The following SPAG16 variants were observed in gnomAD, a reference collection of about 807,000 sequenced individuals.
The protein encoded by SPAG16 is sperm-associated antigen 16 protein.
In SPAG16, 86 loss-of-function variants were observed where a neutral mutation model predicts 80.4. The observed-to-expected ratio is 1.07, with a 90% confidence interval of 0.90 to 1.28. The LOEUF (loss-of-function observed/expected upper bound fraction) is 1.28. Among genes scored for constraint, SPAG16 ranks in the 50% most tolerant of loss-of-function variants. The pLI is 0.00. For synonymous variants in SPAG16, 294 were observed against 265.9 expected (o/e 1.11, Z -1.03); for missense variants, 870 against 765.3 (o/e 1.14, Z -1.61).
chr2:213,979,910 G>A (rs1444493319), intron 12 of SPAG16, among the ~76,000 whole-genome samples: 4 of 151,846 alleles, frequency 2.6e-5, no homozygotes, highest in Non-Finnish European at 4.4e-5. Flanking sequence ...CTTTATCTCA[G>A]CCTTCAATTT....
chr2:213,817,669 C>T (rs775198401), intron 10 of SPAG16, among the ~76,000 whole-genome samples: 12 of 152,008 alleles, frequency 7.9e-5, no homozygotes, highest in African/African-American at 2.4e-4. Flanking sequence ...AGAATGAAAT[C>T]GTGTCCTTTG....
intron 10 of SPAG16, among the ~76,000 whole-genome samples, chr2:213,594,457 G>GAGTT (rs1175005918): frequency 6.6e-6 from 1 of 152,110 alleles, no homozygotes; most frequent in East Asian, 1.9e-4. Flanking sequence ...AGAGTACTTG[G>GAGTT]AGTTCTTCCT....
intron 10 of SPAG16, among the ~76,000 whole-genome samples, chr2:213,718,027 C>T (rs544560222): frequency 1.7e-4 from 26 of 150,410 alleles, no homozygotes; most frequent in African/African-American, 6.3e-4. Context: ...AGCTTCTGCA[C>T]AGCAAAAGAA....
intron 10 of SPAG16, among the ~76,000 whole-genome samples, chr2:213,581,348 C>T (rs2060291689): frequency 6.6e-6 from 1 of 152,040 alleles, no homozygotes; most frequent in Non-Finnish European, 1.5e-5. Flanking sequence ...TCCCAAGTAG[C>T]TGGAACCACA....
intron 15 of SPAG16, among the ~76,000 whole-genome samples, chr2:214,232,716 A>C (rs1299139801): frequency 6.6e-6 from 1 of 152,052 alleles, no homozygotes; most frequent in African/African-American, 2.4e-5. Flanking sequence ...AATGAATTAT[A>C]ATGTATATTC....
intron 15 of SPAG16, among the ~76,000 whole-genome samples, chr2:214,303,867 A>T (rs1694732370): frequency 6.6e-6 from 1 of 151,960 alleles, no homozygotes; most frequent in Non-Finnish European, 1.5e-5. Flanking sequence ...TTCATTTTTT[A>T]ACTTTTAAGT....
At chr2:213,511,212 A>G (rs543257128) in intron 10 of SPAG16, among the ~76,000 whole-genome samples, 2 of 152,288 alleles carry the variant, frequency 1.3e-5, no homozygotes, top group African/African-American at 4.8e-5. Context: ...GAATATTTTT[A>G]TATGACGTTA....
At chr2:214,319,295 A>G (rs952453913) in intron 15 of SPAG16, among the ~76,000 whole-genome samples, 2 of 151,686 alleles carry the variant, frequency 1.3e-5, no homozygotes, top group African/African-American at 4.8e-5. Context: ...GCTAGGCCAA[A>G]TTATTTGTAG....
intron 10 of SPAG16, among the ~76,000 whole-genome samples, chr2:213,673,091 C>T (rs2063887095): frequency 6.6e-6 from 1 of 151,974 alleles, no homozygotes; most frequent in South Asian, 2.1e-4. Context: ...ATTTTTAAAT[C>T]TATTTTCCTC....
chr2:213,679,230 A>G (rs1265433222), intron 10 of SPAG16, among the ~76,000 whole-genome samples: 1 of 152,236 alleles, frequency 6.6e-6, no homozygotes, highest in Admixed American at 6.5e-5. Context: ...CACTATGGTC[A>G]TGTAAAATTG....
At chr2:213,624,755 G>T (rs1433581707) in intron 10 of SPAG16, among the ~76,000 whole-genome samples, 1 of 152,186 alleles carries the variant, frequency 6.6e-6, no homozygotes, top group Non-Finnish European at 1.5e-5. Flanking sequence ...CTTGCTGAAT[G>T]CATGATCTTG....
chr2:213,383,348 CT>C (rs1406298467), intron 9 of SPAG16, among the ~76,000 whole-genome samples: 1 of 152,114 alleles, frequency 6.6e-6, no homozygotes, highest in Non-Finnish European at 1.5e-5. Context: ...GCTGACCCCT[CT>C]TGACTTATCT....
intron 10 of SPAG16, among the ~76,000 whole-genome samples, chr2:213,547,985 A>G (rs551041866): frequency 4.5e-4 from 68 of 152,338 alleles, no homozygotes; most frequent in African/African-American, 1.6e-3. Flanking sequence ...ATTGGTACAT[A>G]TCAGCCTTTT....
intron 15 of SPAG16, among the ~76,000 whole-genome samples, chr2:214,272,955 T>A (rs1327873601): frequency 6.6e-6 from 1 of 152,212 alleles, no homozygotes; most frequent in South Asian, 2.1e-4. Flanking sequence ...CAGCACCTGC[T>A]GTTTCCTGAC....
intron 11 of SPAG16, among the ~76,000 whole-genome samples, chr2:213,877,751 G>A (rs536870508): frequency 6.6e-6 from 1 of 152,212 alleles, no homozygotes; most frequent in African/African-American, 2.4e-5. Context: ...CTGACTAATG[G>A]TCTAGTTGCC....
At chr2:213,956,731 G>A (rs549900514) in intron 12 of SPAG16, among the ~76,000 whole-genome samples, 20 of 152,008 alleles carry the variant, frequency 1.3e-4, no homozygotes, top group African/African-American at 4.8e-4. Context: ...GATTACAGGT[G>A]TGAGCCACCA....
At chr2:213,997,459 A>G (rs543629854) in intron 12 of SPAG16, among the ~76,000 whole-genome samples, 1 of 152,324 alleles carries the variant, frequency 6.6e-6, no homozygotes, top group African/African-American at 2.4e-5. Flanking sequence ...GTATAAAGTC[A>G]TTTCTGACAT....
chr2:214,252,330 T>C (rs886303287), intron 15 of SPAG16, among the ~76,000 whole-genome samples: 2 of 152,080 alleles, frequency 1.3e-5, no homozygotes, highest in African/African-American at 4.8e-5. Context: ...AGTTCTGGGG[T>C]ACATGTGCAG....
intron 10 of SPAG16, among the ~76,000 whole-genome samples, chr2:213,607,199 T>C (rs892324138): frequency 2.0e-5 from 3 of 152,242 alleles, no homozygotes; most frequent in African/African-American, 4.8e-5. Flanking sequence ...TGATAGTTTT[T>C]CTTATTTCAC....
Sources: gnomAD v4.1 joint callset for allele counts (sites outside exome capture counted in the v4.1 genomes callset) on GRCh38, gnomAD v4.1.1 for gene constraint, MANE v1.5 for transcripts, NCBI Gene and HGNC (gene_info 2026-07-23, HGNC 2026-07-21) for gene names.